YIPF4: variants seen among roughly 807,000 people sequenced by gnomAD.
The protein encoded by YIPF4 is protein YIPF4.
Under a neutral mutation model 29.4 loss-of-function variants are expected in YIPF4, and 18 were observed. The ratio of observed to expected loss-of-function variants is 0.61; its 90% CI spans 0.42 to 0.91. The LOEUF is 0.91. YIPF4 is among the 40% of genes least tolerant of loss of function. The probability of loss-of-function intolerance (pLI) is 0.00; values close to 1 mark genes in which losing one functional copy is unlikely to be tolerated. For synonymous variants in YIPF4, 115 were observed against 104.7 expected (o/e 1.10, Z -0.60); for missense variants, 279 against 282.7 (o/e 0.99, Z 0.09).
Position 32,301,511 on chromosome 2 carries a change from T to C in YIPF4, c.597+16T>C, listed in dbSNP as rs369474084. On this transcript the variant is annotated intron_variant, in intron 5 of 5. Transcript: ENST00000238831. ...ACTTATAAAAGTAAGTTAAGGATTA[T>C]GTATTACATAGTTTACTGTTTTCCA... 8 of 1,532,040 alleles carry C rather than the reference T, an allele frequency of 5.2e-6. No homozygotes were observed. The highest frequency in any genetic ancestry group is 7.2e-6 in the Non-Finnish European group (8 of 1,108,346). 94.9% of individuals were successfully genotyped at this position (1,532,040 alleles called of 1,614,324 possible).
At chr2:32,287,270 A>G (rs1383234854) in intron 1 of YIPF4, among the ~76,000 whole-genome samples, 1 of 152,146 alleles carries the variant, frequency 6.6e-6, no homozygotes, top group Non-Finnish European at 1.5e-5. Flanking sequence ...CTTATAACTC[A>G]AATGAAATAA....
chr2:32,298,058 G>A (rs954318088), intron 3 of YIPF4, among the ~76,000 whole-genome samples, 176 bp from the exon 4 acceptor site: 1 of 152,078 alleles, frequency 6.6e-6, no homozygotes, highest in Non-Finnish European at 1.5e-5. Flanking sequence ...ATGTAAAATT[G>A]TATTACACAT....
At chr2:32,283,281 G>A (rs1482225463) in intron 1 of YIPF4, among the ~76,000 whole-genome samples, 4 of 151,776 alleles carry the variant, frequency 2.6e-5, no homozygotes, top group African/African-American at 9.7e-5. Flanking sequence ...CTTTTCCCTG[G>A]TTTCTACACG....
chr2:32,288,348 C>T (rs560157460), intron 1 of YIPF4, among the ~76,000 whole-genome samples: 65 of 152,288 alleles, frequency 4.3e-4, no homozygotes, highest in African/African-American at 1.5e-3. Flanking sequence ...TTCCTTAGCA[C>T]TATAATTTAT....
At chr2:32,295,647 A>G (rs943725351) in intron 3 of YIPF4, among the ~76,000 whole-genome samples, 3 of 152,096 alleles carry the variant, frequency 2.0e-5, no homozygotes, top group Admixed American at 6.6e-5. Flanking sequence ...CTTGCTGCCC[A>G]GGCTAGAGTG....
chr2:32,303,355 G>A (rs1433137685), intron 5 of YIPF4, among the ~76,000 whole-genome samples: 2 of 152,186 alleles, frequency 1.3e-5, no homozygotes, highest in Admixed American at 6.5e-5. Context: ...GTGAGACCCT[G>A]TCTCTGCCTA....
intron 3 of YIPF4, among the ~76,000 whole-genome samples, chr2:32,295,249 C>G (rs1045820890): frequency 2.0e-5 from 3 of 152,164 alleles, no homozygotes; most frequent in African/African-American, 7.2e-5. Flanking sequence ...ACATCACTCT[C>G]TCATGCCAAA....
Position 32,292,355 on chromosome 2 carries a change from A to G in YIPF4, c.405+7A>G, listed in dbSNP as rs2030955837. On this transcript the variant is annotated splice_region_variant and intron_variant, in intron 3 of 5. Coordinates refer to ENST00000238831, the MANE Select transcript of YIPF4 (RefSeq NM_032312.4). ...ATTATATGGACAGTTTAGGGTAAGT[A>G]TATCTTATTTTATACAAATTCTAAA... 2 of 1,507,752 alleles carry G rather than the reference A, an allele frequency of 1.3e-6. No homozygotes were observed. Among genetic ancestry groups the G allele is most frequent in the Non-Finnish European group, 1.8e-6 (2 of 1,128,856 alleles). 93.4% of individuals were successfully genotyped at this position (1,507,752 alleles called of 1,614,324 possible). A position where few individuals can be genotyped will look rare whatever the true frequency, so the allele number is the denominator to read the frequency against.
Position 32,305,708 on chromosome 2 carries a change from C to A in YIPF4, c.*82C>A, listed in dbSNP as rs1263333340. The A allele has an allele frequency of 2.3e-6, 3 of 1,319,968 alleles. No homozygotes were observed. The highest frequency in any genetic ancestry group is 3.0e-5 in the African/African-American group (2 of 66,390). 81.8% of individuals were successfully genotyped at this position (1,319,968 alleles called of 1,614,324 possible). On this transcript the variant is annotated 3_prime_UTR_variant, in exon 6 of 6. Coordinates refer to ENST00000238831, the MANE Select transcript of YIPF4 (RefSeq NM_032312.4). ...TTCTTGCTGAAGGAATTGGAGAAAA[C>A]CTGTTGCTGCAAAATTTTACATGTT...
At chr2:32,281,417 T>C (rs2148956976) in intron 1 of YIPF4, among the ~76,000 whole-genome samples, 1 of 152,248 alleles carries the variant, frequency 6.6e-6, no homozygotes, top group Admixed American at 6.5e-5. Flanking sequence ...AATTTTTGTA[T>C]TTTTTGTAGA....
chr2:32,287,825 A>G (rs973976813), intron 1 of YIPF4, among the ~76,000 whole-genome samples: 4 of 152,234 alleles, frequency 2.6e-5, no homozygotes, highest in Admixed American at 6.5e-5. Flanking sequence ...TAGATTTTTT[A>G]AAAGATTGTA....
At chr2:32,280,049 G>C (rs1056088374) in intron 1 of YIPF4, among the ~76,000 whole-genome samples, 14 of 150,444 alleles carry the variant, frequency 9.3e-5, no homozygotes, top group African/African-American at 3.4e-4. Flanking sequence ...CTGGTGGCTG[G>C]TTTTTCTGGG....
At chr2:32,293,787 C>T (rs570021420) in intron 3 of YIPF4, among the ~76,000 whole-genome samples, 823 of 148,856 alleles carry the variant, frequency 5.5e-3, no homozygotes, top group South Asian at 0.038. Context: ...CCAGTAGGGG[C>T]GGCTGGGCAG....
chr2:32,298,414 G>T, intron 4 of YIPF4, 103 bp downstream of exon 4: 1 of 819,810 alleles, frequency 1.2e-6, no homozygotes, highest in Non-Finnish European at 2.0e-6. Flanking sequence ...TCTTGTCCCA[G>T]AATTGCTTTA....
chr2:32,287,008 GC>G (rs2030704708), intron 1 of YIPF4, among the ~76,000 whole-genome samples: 1 of 152,276 alleles, frequency 6.6e-6, no homozygotes, highest in South Asian at 2.1e-4. Context: ...ACTTTGGGAG[GC>G]CAAGGCAGGT....
At chr2:32,292,409 AATAAG>A (rs1050202331) in intron 3 of YIPF4, 61 bp downstream of exon 3, 2 of 1,239,412 alleles carry the variant, frequency 1.6e-6, no homozygotes, top group African/African-American at 1.6e-5. Context: ...AATTAAATAT[AATAAG>A]ATATTAACTG....
In YIPF4 at chr2:32,307,784, G is replaced by T. The variant is rs866601748; in HGVS notation, c.*2158G>T. On this transcript the variant is annotated 3_prime_UTR_variant, in exon 6 of 6. Coordinates refer to ENST00000238831, the MANE Select transcript of YIPF4 (RefSeq NM_032312.4). ...TCTACTAAAAATACAAAAATTAGCC[G>T]GGCGTGGTGGCAGGCGCCTGTATAA... 6.6e-6 allele frequency: 1 copy of T among 151,836 alleles called. No individual in the cohort carries two copies. Among genetic ancestry groups the T allele is most frequent in the African/African-American group, 2.4e-5 (1 of 41,310 alleles). 9.4% of individuals were successfully genotyped at this position (151,836 alleles called of 1,614,324 possible). A position where few individuals can be genotyped will look rare whatever the true frequency, so the allele number is the denominator to read the frequency against.
At position 32,277,969 on chromosome 2, in the gene YIPF4, T is replaced by G. The variant is rs375331963; in HGVS notation, c.-187T>G. The G allele has an allele frequency of 7.3e-5, 40 of 546,004 alleles. No individual in the cohort carries two copies. The African/African-American group carries it at 7.9e-4, about 11-fold the overall frequency. The allele number at this position is 546,004 out of a possible 1,614,324, so 33.8% of individuals were successfully genotyped here. On this transcript the variant is annotated 5_prime_UTR_variant, in exon 1 of 6. Coordinates refer to ENST00000238831, the MANE Select transcript of YIPF4 (RefSeq NM_032312.4). ...CTTGGGTGGTCGCCACCAAGAAGAC[T>G]TTGGTGGGGTAGTCTCGGGGCAGCT...
At position 32,310,922 on chromosome 2, in the gene YIPF4, A is replaced by G. The variant is rs1165634146; in HGVS notation, c.*5296A>G. On this transcript the variant is annotated 3_prime_UTR_variant, in exon 6 of 6. Transcript: ENST00000238831. ...AATTGCATGTAAGTTGACCCGCACT[A>G]TTCAAATTTGTGGTGTTCAAGGTTC... 6.6e-6 allele frequency: 1 copy of G among 152,122 alleles called. No individual in the cohort carries two copies. Among genetic ancestry groups the G allele is most frequent in the Non-Finnish European group, 1.5e-5 (1 of 68,016 alleles). The allele number at this position is 152,122 out of a possible 1,614,324, so 9.4% of individuals were successfully genotyped here.
Sources: allele counts gnomAD v4.1 joint callset (sites outside exome capture counted in the v4.1 genomes callset), GRCh38; gene constraint gnomAD v4.1.1; transcripts MANE v1.5; gene names NCBI Gene and HGNC (gene_info 2026-07-23, HGNC 2026-07-21).